Variants in TIAM2 observed in about 807,000 individuals in gnomAD.
The protein encoded by TIAM2 is rho guanine nucleotide exchange factor TIAM2.
In TIAM2, 80 loss-of-function variants were observed where a neutral mutation model predicts 152.9. That is an observed-to-expected ratio of 0.52 (90% confidence interval 0.44 to 0.63). The LOEUF is 0.63. Ranked by LOEUF, TIAM2 falls within the 30% of genes least tolerant of loss-of-function variation. TIAM2 has a pLI of 0.00. For synonymous variants in TIAM2, 804 were observed against 838.0 expected (o/e 0.96, Z 0.70); for missense variants, 1,965 against 2,120.1 (o/e 0.93, Z 1.44).
chr6:155,115,465 A>C (rs574090440), intron 2 of TIAM2, among the ~76,000 whole-genome samples: 7 of 151,910 alleles, frequency 4.6e-5, no homozygotes, highest in Non-Finnish European at 1.0e-4. Context: ...CCTGGGCAAC[A>C]TAGTGAGACC....
At chr6:155,068,961 A>G (rs2114950248) in intron 1 of TIAM2, among the ~76,000 whole-genome samples, 1 of 152,210 alleles carries the variant, frequency 6.6e-6, no homozygotes, top group South Asian at 2.1e-4. Context: ...TCCATCGCCC[A>G]GGCTGGGGTG....
chr6:155,110,019 G>A (rs1288812953), intron 2 of TIAM2, among the ~76,000 whole-genome samples: 2 of 148,952 alleles, frequency 1.3e-5, no homozygotes, highest in Admixed American at 6.8e-5. Flanking sequence ...GTGTAATCTC[G>A]GCTCACTGCA....
In TIAM2 at chr6:155,186,659, C is replaced by T. The variant is rs562109446; in HGVS notation, c.3064+3159C>T. 3.2e-4 allele frequency among the ~76,000 whole-genome samples: 49 copies of T among 152,274 alleles called. No homozygotes were observed. The highest frequency in any genetic ancestry group is 1.5e-3 in the Admixed American group (23 of 15,300). ...TTTCACTTGGCAGGAATTCTGAAAA[C>T]GTGCTTCTCCTCCTCCTCCCTCGCT... On this transcript the variant is annotated intron_variant, in intron 14 of 26. Coordinates refer to ENST00000682666, the MANE Select transcript of TIAM2 (RefSeq NM_012454.4). This position sits in a 1 kb window ranked among gnomAD's most constrained non-coding sequence, Gnocchi z 4.5.
At chr6:155,067,630 A>T (rs942897163) in intron 1 of TIAM2, among the ~76,000 whole-genome samples, 1 of 127,104 alleles carries the variant, frequency 7.9e-6, no homozygotes, top group Non-Finnish European at 1.9e-5. Flanking sequence ...AGGGTTAGGG[A>T]TGATGATGAT....
At chr6:155,106,765 C>T (rs1421113534) in intron 2 of TIAM2, among the ~76,000 whole-genome samples, 1 of 152,158 alleles carries the variant, frequency 6.6e-6, no homozygotes, top group Non-Finnish European at 1.5e-5. Context: ...TATGGAACTT[C>T]GGTGGTAATT....
intron 1 of TIAM2, among the ~76,000 whole-genome samples, chr6:155,074,853 CAAAAAAAAA>C (rs71023618): frequency 2.1e-4 from 8 of 37,664 alleles, no homozygotes; most frequent in Admixed American, 6.2e-4. Context: ...GACTCTGTCT[CAAAAAAAAA>C]AAAAAAAAAA....
rs749186165 is a variant in TIAM2, at chr6:155,164,424, T to C, written c.2038T>C (p.Trp680Arg). 2 of 1,581,574 alleles carry C rather than the reference T, an allele frequency of 1.3e-6. No homozygotes were observed. The highest frequency in any genetic ancestry group is 1.3e-5 in the African/African-American group (1 of 74,398). ...RKAIENQIQQ[W>R]EQNLEKFHMD... ...CTGTTTTTGCTTTAAGATCCAGCAA[T>C]GGGAGCAGAATCTTGAGAAATTTCA... Residue 680 changes from tryptophan (W) to arginine (R), a missense_variant, in exon 8 of 27, where the codon TGG becomes CGG. Around this residue, in one of 3 missense-constraint regions of TIAM2, gnomAD observed 1,025 missense variants for 1,119.4 expected, o/e 0.92. Transcript: ENST00000682666.
intron 7 of TIAM2, among the ~76,000 whole-genome samples, chr6:155,163,757 T>C: frequency 6.6e-6 from 1 of 152,218 alleles, no homozygotes; most frequent in East Asian, 1.9e-4. Flanking sequence ...GATCAGGGAC[T>C]GTAAATGTGA....
intron 1 of TIAM2, among the ~76,000 whole-genome samples, chr6:155,075,741 C>G (rs907621370): frequency 6.6e-6 from 1 of 152,052 alleles, no homozygotes; most frequent in Non-Finnish European, 1.5e-5. Flanking sequence ...ATTTTATATT[C>G]GAAAGAATTT....
At chr6:155,236,357 G>GTT (rs34759603) in intron 15 of TIAM2, among the ~76,000 whole-genome samples, 1 of 151,824 alleles carries the variant, frequency 6.6e-6, no homozygotes, top group Non-Finnish European at 1.5e-5. Flanking sequence ...ACCTGGGGGA[G>GTT]TTTTTTTAAG....
intron 1 of TIAM2, among the ~76,000 whole-genome samples, chr6:155,045,050 C>CTTTTTTTT (rs200620585): frequency 7.6e-5 from 10 of 132,052 alleles, no homozygotes; most frequent in African/African-American, 1.1e-4. Context: ...TTTTCTTTTT[C>CTTTTTTTT]TTTTTTTTTT....
chr6:155,000,718 C>T (rs1414102019), intron 1 of TIAM2, among the ~76,000 whole-genome samples: 11 of 152,172 alleles, frequency 7.2e-5, no homozygotes, highest in East Asian at 1.9e-4. Flanking sequence ...GGCACCTTGG[C>T]TTACGCCTAT....
chr6:155,212,083 C>T (rs1439367586), intron 15 of TIAM2, among the ~76,000 whole-genome samples: 4 of 152,122 alleles, frequency 2.6e-5, no homozygotes, highest in Admixed American at 1.3e-4. Context: ...TTCCATTATA[C>T]GGATACACCA....
intron 15 of TIAM2, among the ~76,000 whole-genome samples, chr6:155,224,007 T>C (rs529178220): frequency 3.3e-5 from 5 of 152,302 alleles, no homozygotes; most frequent in Non-Finnish European, 7.4e-5. Context: ...GTGGGTGTAG[T>C]GTCGCATTAT....
At chr6:155,105,169 G>A (rs1367518876) in intron 2 of TIAM2, among the ~76,000 whole-genome samples, 3 of 151,948 alleles carry the variant, frequency 2.0e-5, no homozygotes, top group Non-Finnish European at 4.4e-5. Flanking sequence ...TGTTAGCCAG[G>A]ATGGTCTCAA....
At chr6:155,041,886 C>T (rs1777054168) in intron 1 of TIAM2, among the ~76,000 whole-genome samples, 2 of 152,168 alleles carry the variant, frequency 1.3e-5, no homozygotes, top group Non-Finnish European at 2.9e-5. Context: ...TCTGCTGGCA[C>T]CTACTTGCTT....
chr6:155,106,805 C>G (rs753075269), intron 2 of TIAM2, among the ~76,000 whole-genome samples: 2 of 152,248 alleles, frequency 1.3e-5, no homozygotes, highest in Non-Finnish European at 2.9e-5. Flanking sequence ...ACAGCCCAGT[C>G]ATGGGCGAGC....
intron 2 of TIAM2, among the ~76,000 whole-genome samples, chr6:155,096,070 C>G (rs1470800634): frequency 1.3e-5 from 2 of 152,104 alleles, no homozygotes; most frequent in East Asian, 3.9e-4. Context: ...AAAGTATTAT[C>G]CGTTACTCTT....
intron 9 of TIAM2, among the ~76,000 whole-genome samples, chr6:155,175,813 G>A (rs949286012): frequency 2.0e-5 from 3 of 152,206 alleles, no homozygotes; most frequent in Admixed American, 1.3e-4. Context: ...TTGTGATGAT[G>A]TAGTTGGCAC....
Sources: gnomAD v4.1 joint callset for allele counts (sites outside exome capture counted in the v4.1 genomes callset) on GRCh38, gnomAD v4.1.1 for gene constraint, gnomAD v4.1.1 regional missense constraint, Gnocchi (gnomAD v3.1) non-coding constraint, MANE v1.5 for transcripts, NCBI Gene and HGNC (gene_info 2026-07-23, HGNC 2026-07-21) for gene names.